The following RBPMS variants were observed in gnomAD, a reference collection of about 807,000 sequenced individuals.
RBPMS encodes RNA-binding protein with multiple splicing.
RBPMS carries 7 observed loss-of-function variants against 26.8 expected under a neutral mutation model. The ratio of observed to expected loss-of-function variants is 0.26; its 90% confidence interval spans 0.15 to 0.49. RBPMS has a LOEUF of 0.49. RBPMS is among the 20% of genes least tolerant of loss of function. The pLI is 0.98. For synonymous variants in RBPMS, 96 were observed against 93.3 expected (o/e 1.03, Z -0.17); for missense variants, 186 against 250.0 (o/e 0.74, Z 1.73).
intron 1 of RBPMS, among the ~76,000 whole-genome samples, chr8:30,449,633 A>C (rs941017825): frequency 1.3e-5 from 2 of 152,054 alleles, no homozygotes; most frequent in African/African-American, 4.8e-5. Context: ...AGCCTCCCAA[A>C]GTGCTGGGAT....
Position 30,468,915 on chromosome 8 carries a change from C to CTG in RBPMS, c.67-5863_67-5862insGT, listed in dbSNP as rs986071290. Among the ~76,000 whole-genome samples the CTG allele has an allele frequency of 1.3e-3, 23 of 17,134 alleles. No individual in the cohort carries two copies. The Non-Finnish European group carries it at 0.072, about 54-fold the overall frequency. The allele number at this position is 17,134 out of a possible 152,430, so 11.2% of individuals were successfully genotyped here. A position where few individuals can be genotyped will look rare whatever the true frequency, so the allele number is the denominator to read the frequency against. On this transcript the variant is annotated intron_variant, in intron 1 of 8. Coordinates refer to ENST00000397323, the MANE Select transcript of RBPMS (RefSeq NM_001008710.3). The stretch of plus-strand genomic sequence containing the variant: ...ACTCAAGAGTGTTTCAAATAAGTAA[C>CTG]TATACAGTCATTCCTGAGTCATTAG...
At chr8:30,465,608 G>A (rs35879000) in intron 1 of RBPMS, among the ~76,000 whole-genome samples, 2,328 of 152,224 alleles carry the variant, frequency 0.015, 23 homozygotes, top group Non-Finnish European at 0.022. Context: ...CCAACATGGC[G>A]AAACCCTGTC....
In RBPMS at chr8:30,504,192, T is replaced by A. The variant is rs539820434; in HGVS notation, c.247-94T>A. 6 of 1,334,386 alleles carry A rather than the reference T, an allele frequency of 4.5e-6. No individual in the cohort carries two copies. In the East Asian group the frequency reaches 1.4e-4, roughly 31 times the overall value. The allele number at this position is 1,334,386 out of a possible 1,614,324, so 82.7% of individuals were successfully genotyped here. A position where few individuals can be genotyped will look rare whatever the true frequency, so the allele number is the denominator to read the frequency against. ...AGTGGTTGCTGACCTTTTTTCCTGA[T>A]AGACCAGGGTTTACTGGTGTGTTTA... On this transcript the variant is annotated intron_variant, in intron 4 of 8. Transcript: ENST00000397323.
At chr8:30,524,993 GA>G (rs963452647) in intron 5 of RBPMS, among the ~76,000 whole-genome samples, 5 of 152,008 alleles carry the variant, frequency 3.3e-5, no homozygotes, top group African/African-American at 9.7e-5. Flanking sequence ...ATATATTTAT[GA>G]AAAAATTTAA....
chr8:30,511,475 AAAAAAAAAAAAATATATAT>A lies in RBPMS; in HGVS notation c.397+7041_397+7059del, dbSNP rs1388848776. 8.4e-3 allele frequency among the ~76,000 whole-genome samples: 51 copies of A among 6,058 alleles called. 1 individual carries two copies. The highest frequency in any genetic ancestry group is 0.027 in the African/African-American group (47 of 1,742). The allele number at this position is 6,058 out of a possible 152,430, so 4.0% of individuals were successfully genotyped here. On this transcript the variant is annotated intron_variant, in intron 5 of 8. Transcript: ENST00000397323. The stretch of plus-strand genomic sequence containing the variant: ...CATCTCTTTAAAACAAAAAAAGAAA[AAAAAAAAAAAAATATATAT>A]ATATATATATATATATATATATATA...
chr8:30,422,514 C>T (rs1183672372), intron 1 of RBPMS, among the ~76,000 whole-genome samples: 1 of 152,158 alleles, frequency 6.6e-6, no homozygotes, highest in African/African-American at 2.4e-5. Flanking sequence ...AGCAGTCCTC[C>T]TGCCTCAGCC....
rs145320564 is a variant in RBPMS at position 30,511,143 on chromosome 8, C to T, written c.397+6707C>T. On this transcript the variant is annotated intron_variant, in intron 5 of 8. Coordinates refer to ENST00000397323, the MANE Select transcript of RBPMS (RefSeq NM_001008710.3). ...CACCCTGGCCAACATGGTGAAACCC[C>T]GCCTCTACTAAAAATACAAAAATTA... Among the ~76,000 whole-genome samples, 242 of 151,858 alleles carry T rather than the reference C, an allele frequency of 1.6e-3. 2 individuals carry two copies. The highest frequency in any genetic ancestry group is 5.3e-3 in the African/African-American group (219 of 41,428).
At chr8:30,452,425 G>A (rs1293057898) in intron 1 of RBPMS, among the ~76,000 whole-genome samples, 1 of 152,152 alleles carries the variant, frequency 6.6e-6, no homozygotes, top group Non-Finnish European at 1.5e-5. Flanking sequence ...GGTGTTGGAG[G>A]TAGAATATCA....
At chr8:30,528,618 T>A (rs1218835575) in intron 5 of RBPMS, among the ~76,000 whole-genome samples, 3 of 152,360 alleles carry the variant, frequency 2.0e-5, no homozygotes, top group East Asian at 3.9e-4. Context: ...ACATTTCTGT[T>A]AAACACGTTA....
intron 1 of RBPMS, among the ~76,000 whole-genome samples, chr8:30,455,594 T>A (rs932153043): frequency 2.0e-5 from 3 of 151,986 alleles, no homozygotes; most frequent in African/African-American, 7.3e-5. Context: ...AGAATAATTA[T>A]AAGAGACAAT....
chr8:30,510,349 C>G (rs967492834), intron 5 of RBPMS, among the ~76,000 whole-genome samples: 1 of 149,192 alleles, frequency 6.7e-6, no homozygotes, highest in Admixed American at 6.6e-5. Context: ...AGCAACTACT[C>G]TCTTTCCTTA....
chr8:30,471,213 C>A (rs1184495593), intron 1 of RBPMS, among the ~76,000 whole-genome samples: 1 of 152,070 alleles, frequency 6.6e-6, no homozygotes, highest in Non-Finnish European at 1.5e-5. Flanking sequence ...TATATGTTGG[C>A]TACTTTATAG....
chr8:30,415,933 C>T (rs1481332707), intron 1 of RBPMS, among the ~76,000 whole-genome samples: 1 of 152,190 alleles, frequency 6.6e-6, no homozygotes, highest in Non-Finnish European at 1.5e-5. Flanking sequence ...CTTAAAATTA[C>T]TGTGTATGGG....
chr8:30,549,794 C>CTCTCTCTCTCTCTG (rs1246392654), intron 6 of RBPMS, among the ~76,000 whole-genome samples: 2 of 103,898 alleles, frequency 1.9e-5, no homozygotes, highest in African/African-American at 4.5e-5. Context: ...CTCTCTCTCT[C>CTCTCTCTCTCTCTG]TCCCCTCTCT....
intron 5 of RBPMS, among the ~76,000 whole-genome samples, chr8:30,518,385 C>T (rs1200531265): frequency 1.3e-5 from 2 of 152,032 alleles, no homozygotes; most frequent in African/African-American, 2.4e-5. Flanking sequence ...AGGCAGTTAG[C>T]TAGGAGTATG....
intron 7 of RBPMS, among the ~76,000 whole-genome samples, chr8:30,562,485 G>A (rs548412357): frequency 6.6e-5 from 10 of 152,152 alleles, no homozygotes; most frequent in African/African-American, 2.4e-4. Flanking sequence ...GCACGCGGGG[G>A]AGTCTAGTCT....
At chr8:30,556,317 A>T in intron 6 of RBPMS, 1 of 985,648 alleles carries the variant, frequency 1.0e-6, no homozygotes, top group South Asian at 4.7e-5. Flanking sequence ...CGCCTCGACC[A>T]GGCTGACGAG....
rs563823581 is a variant in RBPMS, at chr8:30,504,443, C to T, written c.397+7C>T. 6.8e-6 allele frequency: 11 copies of T among 1,613,004 alleles called. No homozygotes were observed. The African/African-American group carries it at 8.0e-5, about 12-fold the overall frequency. ...TTCATTGCCAGAGAGCCATGTAAGT[C>T]GATCTACTTTTCATTCAAAAGTAAT... On this transcript the variant is annotated splice_region_variant and intron_variant, in intron 5 of 8. Transcript: ENST00000397323.
intron 1 of RBPMS, among the ~76,000 whole-genome samples, chr8:30,448,902 A>T (rs1814192554): frequency 6.6e-6 from 1 of 152,208 alleles, no homozygotes. Context: ...TTAAAATATT[A>T]CGAGACCATA....
Sources: gnomAD v4.1 joint callset for allele counts (sites outside exome capture counted in the v4.1 genomes callset) on GRCh38, gnomAD v4.1.1 for gene constraint, MANE v1.5 for transcripts, NCBI Gene and HGNC (gene_info 2026-07-23, HGNC 2026-07-21) for gene names.